Variants in CSMD3 observed in about 807,000 individuals in gnomAD.
CSMD3 encodes CUB and Sushi multiple domains 3.
A neutral mutation model predicts 435.2 loss-of-function variants in CSMD3; 177 were observed. The observed-to-expected ratio is 0.41, with a 90% CI of 0.36 to 0.46. The LOEUF (loss-of-function observed/expected upper bound fraction) is 0.46, where lower values mean the gene tolerates loss of function less well. Ranked by LOEUF, CSMD3 falls within the 20% of genes least tolerant of loss-of-function variation. The pLI is 0.34. For missense variants in CSMD3, 4,265 were observed against 4,504.6 expected (o/e 0.95, Z 1.52); for synonymous variants, 1,656 against 1,520.5 (o/e 1.09, Z -2.07).
chr8:113,218,651 G>T (rs1777294181), intron 3 of CSMD3, among the ~76,000 whole-genome samples: 1 of 151,146 alleles, frequency 6.6e-6, no homozygotes, highest in Non-Finnish European at 1.5e-5. Flanking sequence ...TTCACAATGA[G>T]AAAAAGTTAA....
intron 3 of CSMD3, among the ~76,000 whole-genome samples, chr8:113,226,252 G>A (rs2093027450): frequency 6.6e-6 from 1 of 151,538 alleles, no homozygotes; most frequent in South Asian, 2.1e-4. Flanking sequence ...TCATAAGAAG[G>A]AGGAATGTGA....
At chr8:113,336,678 A>C (rs2094077432) in intron 1 of CSMD3, among the ~76,000 whole-genome samples, 1 of 152,070 alleles carries the variant, frequency 6.6e-6, no homozygotes, top group Non-Finnish European at 1.5e-5. Flanking sequence ...CCAGGGAGTC[A>C]CATTGTTGTA....
intron 35 of CSMD3, among the ~76,000 whole-genome samples, chr8:112,401,750 CT>C (rs1459664854): frequency 6.6e-6 from 1 of 151,972 alleles, no homozygotes; most frequent in Admixed American, 6.6e-5. Context: ...CACATTTTTC[CT>C]AAACTTTCAT....
chr8:112,545,495 AAAAAAAAAT>A (rs1253089481), intron 27 of CSMD3, among the ~76,000 whole-genome samples: 2 of 141,940 alleles, frequency 1.4e-5, no homozygotes, highest in East Asian at 2.0e-4. Flanking sequence ...AAAAAAAAAA[AAAAAAAAAT>A]AATAATAATA....
chr8:112,291,871 T>C (rs1293371054), intron 55 of CSMD3, among the ~76,000 whole-genome samples, 176 bp from the exon 56 acceptor site: 1 of 151,910 alleles, frequency 6.6e-6, no homozygotes, highest in Non-Finnish European at 1.5e-5. Flanking sequence ...ATCTATGTGG[T>C]AGAAAATACA....
At chr8:113,014,528 G>A (rs1366747459) in intron 6 of CSMD3, among the ~76,000 whole-genome samples, 4 of 151,920 alleles carry the variant, frequency 2.6e-5, no homozygotes, top group African/African-American at 7.3e-5. Context: ...AGGGATGACT[G>A]GTTGTGGGTG....
At chr8:112,852,259 C>A (rs1019851556) in intron 11 of CSMD3, among the ~76,000 whole-genome samples, 1 of 152,066 alleles carries the variant, frequency 6.6e-6, no homozygotes, top group Non-Finnish European at 1.5e-5. Context: ...CATTATAGGG[C>A]ATGTGATAAG....
chr8:112,454,493 C>T (rs963067323), intron 32 of CSMD3, among the ~76,000 whole-genome samples: 2 of 152,196 alleles, frequency 1.3e-5, no homozygotes, highest in African/African-American at 4.8e-5. Flanking sequence ...AAAAAATGCT[C>T]AACACCACTA....
intron 59 of CSMD3, among the ~76,000 whole-genome samples, chr8:112,270,893 T>C (rs1169163835): frequency 6.6e-6 from 1 of 152,132 alleles, no homozygotes; most frequent in Non-Finnish European, 1.5e-5. Flanking sequence ...CCAAATAAAA[T>C]TGAAGTCTTT....
At chr8:112,262,450 T>C (rs1816510525) in intron 61 of CSMD3, among the ~76,000 whole-genome samples, 1 of 152,020 alleles carries the variant, frequency 6.6e-6, no homozygotes, top group African/African-American at 2.4e-5. Context: ...GAGTATACAT[T>C]TGAGTAGAGG....
At position 112,517,053 on chromosome 8, in the gene CSMD3, G is replaced by A. The variant is rs770611555; in HGVS notation, c.4737C>T (p.Pro1579=). The change falls in exon 28 of 71, where the codon CCC becomes CCT. Residue 1579 remains proline (P), a synonymous_variant. Transcript: ENST00000297405. ...IQVENRYFWQ[P]SPPVCIAPCG... ...TCATACCTATACAGACTGGTGGGCT[G>A]GGCTGCCAGAAGTACCGATTTTCTA... The A allele has an allele frequency of 4.3e-6, 7 of 1,613,166 alleles. No homozygotes were observed.
chr8:112,282,960 G>T (rs2130598004), intron 58 of CSMD3, among the ~76,000 whole-genome samples: 1 of 151,304 alleles, frequency 6.6e-6, no homozygotes, highest in South Asian at 2.1e-4. Flanking sequence ...TAATAAAAAT[G>T]AGAGTTACTA....
At chr8:113,106,288 A>G (rs1329179767) in intron 4 of CSMD3, among the ~76,000 whole-genome samples, 4 of 152,134 alleles carry the variant, frequency 2.6e-5, no homozygotes, top group African/African-American at 4.8e-5. Context: ...AGATGACCAC[A>G]TGAAACGTTA....
chr8:112,649,149 A>C (rs2075058579), intron 19 of CSMD3, among the ~76,000 whole-genome samples: 1 of 152,228 alleles, frequency 6.6e-6, no homozygotes, highest in Non-Finnish European at 1.5e-5. Flanking sequence ...TGTAAGATGG[A>C]GAAGTTCTTA....
chr8:112,324,520 A>C (rs181797534), intron 45 of CSMD3, among the ~76,000 whole-genome samples: 1 of 152,028 alleles, frequency 6.6e-6, no homozygotes, highest in East Asian at 1.9e-4. Flanking sequence ...ATATGCTAAT[A>C]GTTGGTGAGA....
intron 10 of CSMD3, among the ~76,000 whole-genome samples, chr8:112,864,367 G>T (rs2080914889): frequency 6.6e-6 from 1 of 151,930 alleles, no homozygotes; most frequent in Admixed American, 6.6e-5. Context: ...TCCTGCCTCA[G>T]TCTTCCAAGT....
chr8:112,690,120 G>A (rs1586976790), intron 13 of CSMD3, 70 bp from the exon 14 acceptor site: 2 of 1,058,136 alleles, frequency 1.9e-6, no homozygotes, highest in African/African-American at 3.1e-5. Flanking sequence ...TACAAGTTAG[G>A]TAGATATATG....
intron 50 of CSMD3, chr8:112,310,745 GA>G: frequency 1.7e-6 from 1 of 600,484 alleles, no homozygotes; most frequent in Non-Finnish European, 3.0e-6. Context: ...TATACAAGGG[GA>G]AAAAGTCAAG....
At chr8:112,598,918 A>C (rs1344088973) in intron 22 of CSMD3, among the ~76,000 whole-genome samples, 1 of 151,772 alleles carries the variant, frequency 6.6e-6, no homozygotes, top group African/African-American at 2.4e-5. Flanking sequence ...TAAAAACCCT[A>C]GAAGAAAACC....
Sources: allele counts gnomAD v4.1 joint callset (sites outside exome capture counted in the v4.1 genomes callset), GRCh38; gene constraint gnomAD v4.1.1; transcripts MANE v1.5; gene names NCBI Gene and HGNC (gene_info 2026-07-23, HGNC 2026-07-21).